Variants in CSMD1 observed in about 807,000 individuals in gnomAD.
CSMD1 encodes CUB and Sushi multiple domains 1.
In CSMD1, 213 loss-of-function variants were observed where a neutral mutation model predicts 417.5. That is an observed-to-expected ratio of 0.51 (90% CI 0.46 to 0.57). The LOEUF is 0.57. Among genes scored for constraint, CSMD1 ranks in the 20% least tolerant of loss-of-function variants. CSMD1 has a pLI of 0.00. For missense variants in CSMD1, 6,923 were observed against 4,529.7 expected (o/e 1.53, Z -15.17); for synonymous variants, 2,862 against 1,736.8 (o/e 1.65, Z -16.11).
chr8:4,362,072 G>A (rs1801799252), intron 3 of CSMD1, among the ~76,000 whole-genome samples: 1 of 152,112 alleles, frequency 6.6e-6, no homozygotes, highest in Non-Finnish European at 1.5e-5. Flanking sequence ...AATAAAGGCT[G>A]AGATAATTTA....
intron 11 of CSMD1, among the ~76,000 whole-genome samples, chr8:3,477,838 A>G (rs201919087): frequency 2.6e-5 from 4 of 152,298 alleles, no homozygotes; most frequent in East Asian, 1.9e-4. Flanking sequence ...TTCCCAGGAC[A>G]TGGTAGTTAC....
At chr8:3,935,742 A>G (rs1476530027) in intron 5 of CSMD1, among the ~76,000 whole-genome samples, 3 of 152,138 alleles carry the variant, frequency 2.0e-5, no homozygotes, top group African/African-American at 7.2e-5. Context: ...GGGCCTCGCT[A>G]TTCCGTGAGA....
intron 2 of CSMD1, among the ~76,000 whole-genome samples, chr8:4,500,087 C>G (rs1725102): frequency 0.8 from 120,567 of 150,456 alleles, 48,287 homozygotes; most frequent in East Asian, 0.85. Flanking sequence ...AGAAGTTATA[C>G]TAGGTGAAAA....
intron 25 of CSMD1, among the ~76,000 whole-genome samples, 196 bp downstream of exon 25, chr8:3,307,499 A>T (rs1563253365): frequency 6.6e-6 from 1 of 152,200 alleles, no homozygotes; most frequent in African/African-American, 2.4e-5. Flanking sequence ...GCTTTACTAT[A>T]TAGAACTTAA....
intron 3 of CSMD1, among the ~76,000 whole-genome samples, chr8:4,050,571 T>C (rs1221808633): frequency 3.3e-5 from 5 of 152,126 alleles, no homozygotes; most frequent in Admixed American, 2.6e-4. Flanking sequence ...AATCTAATCA[T>C]ACTACTTTAT....
intron 12 of CSMD1, among the ~76,000 whole-genome samples, chr8:3,430,150 T>A (rs886770402): frequency 6.6e-6 from 1 of 152,132 alleles, no homozygotes; most frequent in African/African-American, 2.4e-5. Flanking sequence ...AACATATGAA[T>A]ATACACACAA....
chr8:3,073,170 A>C (rs1563860), intron 49 of CSMD1, among the ~76,000 whole-genome samples: 2 of 151,940 alleles, frequency 1.3e-5, no homozygotes, highest in African/African-American at 4.8e-5. Flanking sequence ...AATGACTTGA[A>C]TGCATTTGAT....
At chr8:3,899,156 G>C (rs768569180) in intron 5 of CSMD1, among the ~76,000 whole-genome samples, 27 of 152,192 alleles carry the variant, frequency 1.8e-4, no homozygotes, top group Admixed American at 4.6e-4. Context: ...AAGATTGCCA[G>C]TACTGTCAAA....
chr8:3,591,486 C>G (rs1392009430), intron 8 of CSMD1, among the ~76,000 whole-genome samples: 1 of 152,132 alleles, frequency 6.6e-6, no homozygotes, highest in African/African-American at 2.4e-5. Flanking sequence ...GGTATCATAA[C>G]TATTTTTGAA....
chr8:4,705,363 G>C (rs747102304), intron 1 of CSMD1, among the ~76,000 whole-genome samples: 24 of 152,106 alleles, frequency 1.6e-4, no homozygotes, highest in Non-Finnish European at 3.2e-4. Context: ...TGGAAACCAT[G>C]ATGTAAGACA....
chr8:3,274,111 G>A (rs969368876), intron 26 of CSMD1, among the ~76,000 whole-genome samples: 3 of 151,802 alleles, frequency 2.0e-5, no homozygotes, highest in Non-Finnish European at 2.9e-5. Flanking sequence ...GTGTCCCAGA[G>A]ACTCTGGTAT....
chr8:4,647,601 T>C (rs1162323807), intron 1 of CSMD1, among the ~76,000 whole-genome samples: 2 of 152,078 alleles, frequency 1.3e-5, no homozygotes, highest in Non-Finnish European at 2.9e-5. Flanking sequence ...GTGTGTGTTG[T>C]TCCCCTCTCT....
chr8:3,973,954 G>C (rs1481551770), intron 5 of CSMD1, among the ~76,000 whole-genome samples: 1 of 152,106 alleles, frequency 6.6e-6, no homozygotes, highest in Non-Finnish European at 1.5e-5. Flanking sequence ...TGAAAAATGG[G>C]ATATCCATTC....
chr8:4,625,414 C>T (rs1016594332), intron 2 of CSMD1, among the ~76,000 whole-genome samples: 6 of 152,020 alleles, frequency 3.9e-5, no homozygotes, highest in South Asian at 2.1e-4. Flanking sequence ...TTGAAGCAGT[C>T]GCCTCTTTGA....
At chr8:4,334,954 A>C (rs532223482) in intron 3 of CSMD1, among the ~76,000 whole-genome samples, 33 of 152,234 alleles carry the variant, frequency 2.2e-4, no homozygotes, top group Non-Finnish European at 4.1e-4. Context: ...ACATCCTCAC[A>C]TGACAGTAAA....
intron 3 of CSMD1, among the ~76,000 whole-genome samples, chr8:4,222,117 AC>A (rs1457483382): frequency 9.4e-5 from 14 of 148,940 alleles, no homozygotes; most frequent in Admixed American, 5.4e-4. Context: ...AAAAAAAAAA[AC>A]AGAAGCAAGT....
At chr8:3,722,130 G>A (rs144601772) in intron 6 of CSMD1, among the ~76,000 whole-genome samples, 6 of 152,062 alleles carry the variant, frequency 3.9e-5, no homozygotes, top group Non-Finnish European at 7.4e-5. Flanking sequence ...ATCACTTGAG[G>A]TCAGGAATTT....
intron 3 of CSMD1, among the ~76,000 whole-genome samples, chr8:4,402,821 CTTT>C (rs1396591610): frequency 3.0e-5 from 2 of 66,352 alleles, no homozygotes; most frequent in East Asian, 4.5e-4. Context: ...TTTTTTTTTT[CTTT>C]TTTTTTTTTT....
chr8:3,278,231 G>A (rs1382272001), intron 26 of CSMD1: 1 of 152,172 alleles, frequency 6.6e-6, no homozygotes, highest in African/African-American at 2.4e-5. Context: ...AAGCTCCAAT[G>A]TAACATGGAA....
Sources: allele counts gnomAD v4.1 joint callset (sites outside exome capture counted in the v4.1 genomes callset), GRCh38; gene constraint gnomAD v4.1.1; transcripts MANE v1.5; gene names NCBI Gene and HGNC (gene_info 2026-07-23, HGNC 2026-07-21).